Variants in CCBE1 observed in about 807,000 individuals in gnomAD.
CCBE1 encodes the protein collagen and calcium-binding EGF domain-containing protein 1.
CCBE1 carries 37 observed loss-of-function variants against 50.0 expected under a neutral mutation model. That is an observed-to-expected ratio of 0.74 (90% confidence interval 0.57 to 0.97). The LOEUF (loss-of-function observed/expected upper bound fraction) is 0.97. Among genes scored for constraint, CCBE1 ranks in the 50% least tolerant of loss-of-function variants. The probability of loss-of-function intolerance (pLI) is 0.00; values close to 1 mark genes in which losing one functional copy is unlikely to be tolerated. For synonymous variants in CCBE1, 234 were observed against 203.7 expected, an observed-to-expected ratio of 1.15 and a Z score of -1.27; for missense variants, 538 against 523.8, an observed-to-expected ratio of 1.03 and a Z score of -0.26.
chr18:59,623,179 A>G (rs1331792565), intron 2 of CCBE1, among the ~76,000 whole-genome samples: 2 of 152,314 alleles, frequency 1.3e-5, no homozygotes, highest in Non-Finnish European at 2.9e-5. Context: ...TGTAAATCTA[A>G]AACTGCTCTA....
intron 2 of CCBE1, among the ~76,000 whole-genome samples, chr18:59,555,906 C>T (rs374320031): frequency 2.0e-5 from 3 of 152,212 alleles, no homozygotes; most frequent in African/African-American, 7.2e-5. Flanking sequence ...TGGCACTAAA[C>T]CCACAGCTCA....
rs529513390 is a variant in CCBE1, at chr18:59,443,237, C to T, written c.776-3421G>A. 2.0e-5 allele frequency among the ~76,000 whole-genome samples: 3 copies of T among 152,294 alleles called. No homozygotes were observed. In the East Asian group the frequency reaches 5.8e-4, roughly 29 times the overall value. Reference sequence around the variant, plus strand: ...GTATTGGGTTGGGTTAGCGGCGCTTCCCCACTTGTGTGTGGAACACAGCAT... The same window carrying T: ...GTATTGGGTTGGGTTAGCGGCGCTTTCCCACTTGTGTGTGGAACACAGCAT... On this transcript the variant is annotated intron_variant, in intron 7 of 10. Transcript: ENST00000439986.
At chr18:59,566,229 C>T (rs2052824419) in intron 2 of CCBE1, among the ~76,000 whole-genome samples, 6 of 152,202 alleles carry the variant, frequency 3.9e-5, no homozygotes. Context: ...GGGTGACACA[C>T]AATGTCTCTT....
chr18:59,642,767 G>A (rs1208133741), intron 2 of CCBE1, among the ~76,000 whole-genome samples: 1 of 151,924 alleles, frequency 6.6e-6, no homozygotes, highest in Non-Finnish European at 1.5e-5. Flanking sequence ...GGCCAACGTG[G>A]TGAAACCCCA....
intron 2 of CCBE1, among the ~76,000 whole-genome samples, chr18:59,617,785 A>C (rs1386318980): frequency 1.3e-5 from 2 of 152,244 alleles, no homozygotes; most frequent in Non-Finnish European, 2.9e-5. Context: ...TGGGATTACT[A>C]AAGCCAGACC....
intron 2 of CCBE1, among the ~76,000 whole-genome samples, chr18:59,578,220 T>G (rs2053028539): frequency 6.6e-6 from 1 of 152,162 alleles, no homozygotes; most frequent in African/African-American, 2.4e-5. Context: ...CACTGGTCAT[T>G]AGAGAGATGC....
At chr18:59,638,886 T>C (rs117314542) in intron 2 of CCBE1, among the ~76,000 whole-genome samples, 209 of 118,204 alleles carry the variant, frequency 1.8e-3, no homozygotes, top group Non-Finnish European at 3.2e-3. Context: ...ATTAAAGAAC[T>C]TTTAAGAGTA....
At chr18:59,609,335 C>T (rs1035427131) in intron 2 of CCBE1, among the ~76,000 whole-genome samples, 1 of 152,214 alleles carries the variant, frequency 6.6e-6, no homozygotes, top group African/African-American at 2.4e-5. Flanking sequence ...TTGGACAGTT[C>T]CTCTTGCATA....
In CCBE1 at chr18:59,596,474, T is replaced by G. The variant is rs77137399; in HGVS notation, c.212+100155A>C. Among the ~76,000 whole-genome samples, 956 of 152,324 alleles carry G rather than the reference T, an allele frequency of 6.3e-3. 3 individuals carry two copies. The highest frequency in any genetic ancestry group is 0.022 in the African/African-American group (930 of 41,582). On this transcript the variant is annotated intron_variant, in intron 2 of 10. Transcript: ENST00000439986. ...TAGTATTTAAGATGAAAGAATATGG[T>G]ATTTCAGAAGCATGCTAGGTCTAGA...
rs1300413006 is a variant in CCBE1 at position 59,448,063 on chromosome 18, T to C, written c.695A>G (p.Tyr232Cys). ...LPNNAADLGK[Y>C]ITGDKVLASN... ...GGCCAGCACCTTGTCACCAGTGATA[T>C]ACTTGCCCAGGTCAGCTGCATTGTT... The change falls in exon 7 of 11, where the codon TAT becomes TGT. Residue 232 changes from tyrosine (Y) to cysteine (C), a missense_variant. Physicochemically the swap from Tyr to Cys is radical, Grantham distance 194. Transcript: ENST00000439986. 1.2e-6 allele frequency: 2 copies of C among 1,614,110 alleles called. No homozygotes were observed. Among genetic ancestry groups the C allele is most frequent in the East Asian group, 4.5e-5 (2 of 44,848 alleles).
intron 2 of CCBE1, among the ~76,000 whole-genome samples, chr18:59,623,526 G>C (rs2053739329): frequency 6.6e-6 from 1 of 152,194 alleles, no homozygotes; most frequent in Non-Finnish European, 1.5e-5. Context: ...GTCTGGACAA[G>C]GATAGGATGC....
At chr18:59,672,555 G>A (rs1019560228) in intron 2 of CCBE1, among the ~76,000 whole-genome samples, 1 of 152,170 alleles carries the variant, frequency 6.6e-6, no homozygotes, top group Non-Finnish European at 1.5e-5. Flanking sequence ...AAGCATTTCT[G>A]CTGGCATCCA....
At chr18:59,557,375 A>T (rs1198158488) in intron 2 of CCBE1, among the ~76,000 whole-genome samples, 1 of 151,986 alleles carries the variant, frequency 6.6e-6, no homozygotes, top group Non-Finnish European at 1.5e-5. Flanking sequence ...TGCTTGTCTG[A>T]TTCCCTAACT....
chr18:59,578,784 ACCAGGGCC>A (rs2053040018), intron 2 of CCBE1, among the ~76,000 whole-genome samples: 1 of 152,140 alleles, frequency 6.6e-6, no homozygotes, highest in Non-Finnish European at 1.5e-5. Context: ...AGTATCACAC[ACCAGGGCC>A]CGTCAGGGCT....
intron 3 of CCBE1, among the ~76,000 whole-genome samples, chr18:59,472,919 G>C (rs917412487): frequency 5.3e-5 from 8 of 152,188 alleles, no homozygotes; most frequent in Non-Finnish European, 1.0e-4. Flanking sequence ...TTGTGCATGG[G>C]AACTCTCATT....
intron 2 of CCBE1, among the ~76,000 whole-genome samples, chr18:59,596,741 G>A (rs571751946): frequency 3.3e-5 from 5 of 152,296 alleles, no homozygotes; most frequent in Admixed American, 1.3e-4. Context: ...CGTAGCAAAG[G>A]CTTGACTGTG....
chr18:59,507,725 ATT>A (rs1162804812), intron 2 of CCBE1, among the ~76,000 whole-genome samples: 5 of 152,216 alleles, frequency 3.3e-5, no homozygotes, highest in Admixed American at 1.3e-4. Flanking sequence ...AACTGAAAGC[ATT>A]TGTTAAAAAT....
intron 2 of CCBE1, among the ~76,000 whole-genome samples, chr18:59,605,462 A>C (rs1049982440): frequency 3.3e-5 from 5 of 152,230 alleles, no homozygotes; most frequent in African/African-American, 1.2e-4. Flanking sequence ...GCTTTATGGC[A>C]GAGGCATCAT....
At chr18:59,550,400 T>C (rs1398731717) in intron 2 of CCBE1, among the ~76,000 whole-genome samples, 1 of 152,206 alleles carries the variant, frequency 6.6e-6, no homozygotes, top group African/African-American at 2.4e-5. Context: ...AATAACTATC[T>C]GGCCTTTAGA....
Sources: allele counts gnomAD v4.1 joint callset (sites outside exome capture counted in the v4.1 genomes callset), GRCh38; gene constraint gnomAD v4.1.1; transcripts MANE v1.5; gene names NCBI Gene and HGNC (gene_info 2026-07-23, HGNC 2026-07-21).